AIG1: variants seen among roughly 807,000 people sequenced by gnomAD.
AIG1 encodes androgen induced 1, also known as androgen-induced gene 1 protein.
AIG1 carries 23 observed loss-of-function variants against 31.4 expected under a neutral mutation model. The ratio of observed to expected loss-of-function variants is 0.73; its 90% CI spans 0.53 to 1.04. AIG1 has a LOEUF of 1.04. Ranked by LOEUF, AIG1 falls within the 50% of genes least tolerant of loss-of-function variation. The pLI is 0.00. For synonymous variants in AIG1, 100 were observed against 110.5 expected (o/e 0.90, Z 0.60); for missense variants, 274 against 295.0 (o/e 0.93, Z 0.52).
intron 1 of AIG1, among the ~76,000 whole-genome samples, chr6:143,118,292 C>T (rs1278633912): frequency 6.6e-6 from 1 of 152,008 alleles, no homozygotes; most frequent in African/African-American, 2.4e-5. Context: ...AACCCTGTCT[C>T]TACCAAAATA....
chr6:143,196,357 AC>A (rs1562481074), intron 3 of AIG1, among the ~76,000 whole-genome samples: 1 of 66,782 alleles, frequency 1.5e-5, no homozygotes, highest in Non-Finnish European at 3.6e-5. Context: ...AGCAACACAC[AC>A]ACACACACAC....
At chr6:143,263,788 C>T (rs1795969915) in intron 3 of AIG1, among the ~76,000 whole-genome samples, 1 of 152,086 alleles carries the variant, frequency 6.6e-6, no homozygotes, top group African/African-American at 2.4e-5. Context: ...ATATATCTTA[C>T]TTGAAAAACC....
intron 1 of AIG1, among the ~76,000 whole-genome samples, chr6:143,088,850 AT>A (rs1779040911): frequency 6.6e-6 from 1 of 152,230 alleles, no homozygotes; most frequent in Admixed American, 6.5e-5. Flanking sequence ...ATTGTAAATG[AT>A]GGAAGAACAT....
At chr6:143,131,859 G>GT (rs1208937329) in intron 1 of AIG1, among the ~76,000 whole-genome samples, 1 of 152,190 alleles carries the variant, frequency 6.6e-6, no homozygotes, top group Non-Finnish European at 1.5e-5. Context: ...TATTGGTGGT[G>GT]TTTTAGCTGC....
chr6:143,319,826 G>A (rs1361887034), intron 4 of AIG1, among the ~76,000 whole-genome samples: 1 of 151,884 alleles, frequency 6.6e-6, no homozygotes, highest in Non-Finnish European at 1.5e-5. Flanking sequence ...TATTATGAAC[G>A]ATTATATGCC....
At chr6:143,207,843 A>G (rs1295957935) in intron 3 of AIG1, among the ~76,000 whole-genome samples, 2 of 152,184 alleles carry the variant, frequency 1.3e-5, no homozygotes, top group Non-Finnish European at 2.9e-5. Context: ...CATAAAACAT[A>G]ACATTGACAG....
intron 4 of AIG1, among the ~76,000 whole-genome samples, chr6:143,305,362 A>G (rs991999437): frequency 6.6e-6 from 1 of 151,916 alleles, no homozygotes. Context: ...GTGGGCATTT[A>G]GTGCTATAAA....
intron 1 of AIG1, 82 bp from the exon 2 acceptor site, chr6:143,136,753 T>G (rs559146096): frequency 1.2e-4 from 143 of 1,210,180 alleles, no homozygotes; most frequent in Middle Eastern, 4.6e-4. Context: ...GATGTCATGT[T>G]GTACACCAGC....
intron 1 of AIG1, among the ~76,000 whole-genome samples, chr6:143,074,835 T>C (rs1480449480): frequency 6.6e-6 from 1 of 152,198 alleles, no homozygotes; most frequent in Non-Finnish European, 1.5e-5. Context: ...GTTTTTCTTT[T>C]ATTGTTTTTG....
At chr6:143,190,501 G>A (rs746981008) in intron 3 of AIG1, 13 of 983,388 alleles carry the variant, frequency 1.3e-5, no homozygotes, top group African/African-American at 1.0e-4. Context: ...TCACTTTTAA[G>A]TTATGTTCAG....
chr6:143,239,025 CAAAG>C (rs1794021705), intron 3 of AIG1, among the ~76,000 whole-genome samples: 1 of 152,164 alleles, frequency 6.6e-6, no homozygotes, highest in African/African-American at 2.4e-5. Context: ...CACCATGAAA[CAAAG>C]ATGACTAAGA....
chr6:143,183,436 C>T (rs555067585), intron 3 of AIG1, among the ~76,000 whole-genome samples: 11 of 152,246 alleles, frequency 7.2e-5, no homozygotes, highest in South Asian at 6.2e-4. Context: ...CCTCATGATC[C>T]GCTTGACTTG....
chr6:143,190,690 A>G, intron 3 of AIG1: 3 of 796,404 alleles, frequency 3.8e-6, no homozygotes, highest in Non-Finnish European at 1.5e-6. Context: ...GTATTCTAAC[A>G]TGATGGGATG....
At chr6:143,103,501 C>CTTTTTTTTTTTT (rs1173435325) in intron 1 of AIG1, among the ~76,000 whole-genome samples, 1 of 84,210 alleles carries the variant, frequency 1.2e-5, no homozygotes, top group African/African-American at 4.7e-5. Context: ...CAGAAGTTTT[C>CTTTTTTTTTTTT]TTTTTTTTTT....
At position 143,333,007 on chromosome 6, in the gene AIG1, A is replaced by G. The variant is rs1349548764; in HGVS notation, c.516-275A>G. Among the ~76,000 whole-genome samples the G allele has an allele frequency of 6.6e-6, 1 of 152,228 alleles. No individual in the cohort carries two copies. The highest frequency in any genetic ancestry group is 1.9e-4 in the East Asian group (1 of 5,200). On this transcript the variant is annotated intron_variant, in intron 4 of 5. Transcript: ENST00000357847. The surrounding 1 kb of genome is among the most constrained non-coding windows in gnomAD (Gnocchi z 4.6). ...ATATCAATGTTAATTTTTTAATTTTAGTCAATTGTCCCAGGATTATACAAG... is the reference window on the plus strand; with the variant it reads ...ATATCAATGTTAATTTTTTAATTTTGGTCAATTGTCCCAGGATTATACAAG...
At chr6:143,118,732 G>A (rs1428989495) in intron 1 of AIG1, among the ~76,000 whole-genome samples, 1 of 152,180 alleles carries the variant, frequency 6.6e-6, no homozygotes, top group Non-Finnish European at 1.5e-5. Context: ...ATGACTGATA[G>A]TGCTAATAAG....
At chr6:143,306,592 C>G (rs1209627501) in intron 4 of AIG1, among the ~76,000 whole-genome samples, 1 of 152,204 alleles carries the variant, frequency 6.6e-6, no homozygotes, top group Non-Finnish European at 1.5e-5. Context: ...ATGGGCTTCC[C>G]TTTGTGGGTA....
intron 1 of AIG1, among the ~76,000 whole-genome samples, chr6:143,102,594 G>T (rs1374213706): frequency 1.4e-5 from 2 of 147,782 alleles, no homozygotes; most frequent in East Asian, 3.9e-4. Context: ...TATATATAGG[G>T]TCATAGAACA....
intron 5 of AIG1, chr6:143,339,350 A>G: frequency 4.3e-6 from 1 of 230,596 alleles, no homozygotes; most frequent in Non-Finnish European, 8.4e-6. Context: ...TCATGAATCA[A>G]CTTGAAGCCT....
Sources: allele counts gnomAD v4.1 joint callset (sites outside exome capture counted in the v4.1 genomes callset), GRCh38; gene constraint gnomAD v4.1.1; non-coding constraint Gnocchi (gnomAD v3.1); transcripts MANE v1.5; gene names NCBI Gene and HGNC (gene_info 2026-07-23, HGNC 2026-07-21).